Variants in PDE4D observed in about 807,000 individuals in gnomAD.
PDE4D encodes phosphodiesterase 4D.
PDE4D carries 24 observed loss-of-function variants against 87.4 expected under a neutral mutation model. The observed-to-expected ratio is 0.27, with a 90% confidence interval of 0.20 to 0.39. The LOEUF (loss-of-function observed/expected upper bound fraction) is 0.39. Among genes scored for constraint, PDE4D ranks in the 10% least tolerant of loss-of-function variants. PDE4D has a pLI of 1.00. For missense variants in PDE4D, 714 were observed against 1,041.0 expected (o/e 0.69, Z 4.32); for synonymous variants, 384 against 383.2 (o/e 1.00, Z -0.02).
chr5:59,433,230 GAT>G (rs1796361132), intron 1 of PDE4D, among the ~76,000 whole-genome samples: 1 of 152,132 alleles, frequency 6.6e-6, no homozygotes. Flanking sequence ...TGAAGAATAA[GAT>G]ATAAACCTCT....
At chr5:59,009,421 C>T (rs10058478) in intron 6 of PDE4D, among the ~76,000 whole-genome samples, 15,336 of 151,834 alleles carry the variant, frequency 0.1, 1,034 homozygotes, top group Non-Finnish European at 0.13. Context: ...AACAAATTAC[C>T]AATAGATGCA....
intron 1 of PDE4D, among the ~76,000 whole-genome samples, chr5:59,747,498 A>T (rs997269208): frequency 6.6e-6 from 1 of 152,152 alleles, no homozygotes; most frequent in African/African-American, 2.4e-5. Flanking sequence ...TACTGGCCTG[A>T]GGTGGCTCCT....
At chr5:59,836,168 C>T (rs1301393818) in intron 1 of PDE4D, among the ~76,000 whole-genome samples, 1 of 152,004 alleles carries the variant, frequency 6.6e-6, no homozygotes, top group Non-Finnish European at 1.5e-5. Flanking sequence ...TTGTCATCAT[C>T]ATCACCATCA....
chr5:59,459,630 T>C (rs1197063999), intron 1 of PDE4D, among the ~76,000 whole-genome samples: 2 of 152,244 alleles, frequency 1.3e-5, no homozygotes, highest in Non-Finnish European at 2.9e-5. Flanking sequence ...CAAAGGTAGC[T>C]AGCAGATATT....
At chr5:59,081,014 A>G (rs1343336987) in intron 5 of PDE4D, among the ~76,000 whole-genome samples, 7 of 152,194 alleles carry the variant, frequency 4.6e-5, no homozygotes, top group Non-Finnish European at 8.8e-5. Flanking sequence ...ATCAAACATG[A>G]ATAGATTAAC....
At position 58,989,848 on chromosome 5, in the gene PDE4D, G is replaced by A; in HGVS notation, c.1359C>T (p.Asp453=). ...GATAGGCCACATCAGCATGGTAATGGTCTTCGAGAGTCATAAGATATGTAA... is the reference window on the plus strand; with the variant it reads ...GATAGGCCACATCAGCATGGTAATGATCTTCGAGAGTCATAAGATATGTAA... The part of the protein sequence containing the change: ...TLITYLMTLE[D]HYHADVAYHN... The change falls in exon 10 of 15, where the codon GAC becomes GAT. Residue 453 remains aspartate, a synonymous_variant. Coordinates refer to ENST00000340635, the MANE Select transcript of PDE4D (RefSeq NM_001104631.2). 6.3e-7 allele frequency: 1 copy of A among 1,579,064 alleles called. No individual in the cohort carries two copies. The highest frequency in any genetic ancestry group is 1.3e-5 in the African/African-American group (1 of 74,292).
chr5:59,505,542 T>C (rs1175493352), intron 1 of PDE4D, among the ~76,000 whole-genome samples: 1 of 152,206 alleles, frequency 6.6e-6, no homozygotes, highest in South Asian at 2.1e-4. Flanking sequence ...GGCTTATTCA[T>C]AGCACAATAG....
At chr5:59,085,989 T>C (rs1294617820) in intron 5 of PDE4D, among the ~76,000 whole-genome samples, 1 of 152,168 alleles carries the variant, frequency 6.6e-6, no homozygotes, top group Non-Finnish European at 1.5e-5. Context: ...CGATGTTGTA[T>C]ATATAAAATC....
At chr5:60,368,422 G>T (rs1328701415) in intron 1 of PDE4D, among the ~76,000 whole-genome samples, 2 of 152,186 alleles carry the variant, frequency 1.3e-5, no homozygotes, top group Non-Finnish European at 2.9e-5. Context: ...AGGTTGGCAG[G>T]ATGTGGGGGT....
chr5:60,098,157 AAC>A, intron 2 of PDE4D, among the ~76,000 whole-genome samples: 1 of 152,084 alleles, frequency 6.6e-6, no homozygotes, highest in Middle Eastern at 3.4e-3. Context: ...AAAAACTGTC[AAC>A]ACACAGCCTG....
chr5:60,426,458 C>T (rs965306431), intron 1 of PDE4D, among the ~76,000 whole-genome samples: 7 of 152,092 alleles, frequency 4.6e-5, no homozygotes, highest in Non-Finnish European at 1.0e-4. Flanking sequence ...CATGTTCTCA[C>T]TCATAGGTGG....
intron 6 of PDE4D, among the ~76,000 whole-genome samples, chr5:58,996,627 A>T (rs1292893184): frequency 6.6e-6 from 1 of 152,160 alleles, no homozygotes; most frequent in Non-Finnish European, 1.5e-5. Flanking sequence ...ATAGATAGAG[A>T]CCCAGTTATC....
At chr5:60,460,635 C>T in intron 1 of PDE4D, 8 of 1,210,306 alleles carry the variant, frequency 6.6e-6, no homozygotes, top group Admixed American at 1.7e-5. Context: ...TTTCTCCCTT[C>T]CTCAGCAAGC....
At chr5:59,604,377 C>T (rs1414465592) in intron 1 of PDE4D, among the ~76,000 whole-genome samples, 1 of 152,052 alleles carries the variant, frequency 6.6e-6, no homozygotes, top group Non-Finnish European at 1.5e-5. Flanking sequence ...AGATGTTTGC[C>T]ATTTAACCTG....
chr5:60,446,530 C>A (rs1226632393), intron 1 of PDE4D, among the ~76,000 whole-genome samples: 3 of 152,086 alleles, frequency 2.0e-5, no homozygotes, highest in Non-Finnish European at 4.4e-5. Flanking sequence ...ACACCACTAC[C>A]ACCCCATACT....
At chr5:60,354,592 C>T (rs1759458389) in intron 1 of PDE4D, among the ~76,000 whole-genome samples, 1 of 152,180 alleles carries the variant, frequency 6.6e-6, no homozygotes, top group Non-Finnish European at 1.5e-5. Context: ...CATTGAATTG[C>T]ACCAACAAGG....
At chr5:60,005,162 A>G (rs7737949) in intron 2 of PDE4D, among the ~76,000 whole-genome samples, 2,834 of 152,234 alleles carry the variant, frequency 0.019, 88 homozygotes, top group African/African-American at 0.065. Context: ...AAACATGGAT[A>G]AACCTGGAGG....
At chr5:60,028,208 G>T (rs1047411110) in intron 2 of PDE4D, among the ~76,000 whole-genome samples, 3 of 152,010 alleles carry the variant, frequency 2.0e-5, no homozygotes, top group African/African-American at 7.2e-5. Context: ...AGCTCTCTTT[G>T]CCTTTTTCTT....
At chr5:59,586,445 A>C in intron 1 of PDE4D, 1 of 1,567,866 alleles carries the variant, frequency 6.4e-7, no homozygotes, top group Admixed American at 1.8e-5. Flanking sequence ...TTACAGATGA[A>C]TTCCAACTCT....
Sources: allele counts gnomAD v4.1 joint callset (sites outside exome capture counted in the v4.1 genomes callset), GRCh38; gene constraint gnomAD v4.1.1; transcripts MANE v1.5; gene names NCBI Gene and HGNC (gene_info 2026-07-23, HGNC 2026-07-21).